Variants in SLC35F1 observed in about 807,000 individuals in gnomAD.
SLC35F1 encodes the protein solute carrier family 35 member F1, also known as chromosome 6 open reading frame 169.
In SLC35F1, 14 loss-of-function variants were observed where a neutral mutation model predicts 48.7. That is an observed-to-expected ratio of 0.29 (90% CI 0.19 to 0.45). The LOEUF (loss-of-function observed/expected upper bound fraction) is 0.45, where lower values mean the gene tolerates loss of function less well. Among genes scored for constraint, SLC35F1 ranks in the 20% least tolerant of loss-of-function variants. The probability of loss-of-function intolerance (pLI) is 1.00; values close to 1 mark genes in which losing one functional copy is unlikely to be tolerated. For synonymous variants in SLC35F1, 190 were observed against 202.2 expected (o/e 0.94, Z 0.51); for missense variants, 404 against 500.0 (o/e 0.81, Z 1.83).
In SLC35F1 at chr6:118,278,692, G is replaced by A. The variant is rs541825839; in HGVS notation, c.847+1146G>A. On this transcript the variant is annotated intron_variant, in intron 6 of 7. Coordinates refer to ENST00000360388, the MANE Select transcript of SLC35F1 (RefSeq NM_001029858.4). ...CAACAGGGCAAGGAGAGAGAGAAGA[G>A]GAGGGCAACAGGGAAAGGAAACCAG... Among the ~76,000 whole-genome samples, 4 of 152,350 alleles carry A rather than the reference G, an allele frequency of 2.6e-5. No individual in the cohort carries two copies. In the South Asian group the frequency reaches 8.3e-4, roughly 32 times the overall value.
chr6:118,247,675 C>T (rs1336733802), intron 3 of SLC35F1, among the ~76,000 whole-genome samples: 4 of 147,604 alleles, frequency 2.7e-5, no homozygotes, highest in African/African-American at 1.1e-4. Flanking sequence ...GAGTGAAACA[C>T]TTCTGTAGTC....
intron 3 of SLC35F1, among the ~76,000 whole-genome samples, chr6:118,238,100 T>C (rs1397995143): frequency 1.3e-5 from 2 of 152,108 alleles, no homozygotes; most frequent in Non-Finnish European, 2.9e-5. Context: ...ACACCTATGT[T>C]TCTCTCTCTT....
chr6:118,253,199 A>G (rs1406151999), intron 3 of SLC35F1, among the ~76,000 whole-genome samples: 1 of 152,000 alleles, frequency 6.6e-6, no homozygotes, highest in Admixed American at 6.6e-5. Context: ...AATATTTGAG[A>G]GATGAGAGTA....
At chr6:118,037,886 G>A (rs1367376503) in intron 1 of SLC35F1, among the ~76,000 whole-genome samples, 3 of 152,056 alleles carry the variant, frequency 2.0e-5, no homozygotes, top group Non-Finnish European at 4.4e-5. Context: ...GGGGGCAAGA[G>A]GAGGGAGACC....
chr6:118,191,191 C>T (rs544143239), intron 2 of SLC35F1, among the ~76,000 whole-genome samples: 3 of 152,180 alleles, frequency 2.0e-5, no homozygotes, highest in African/African-American at 4.8e-5. Flanking sequence ...GATTATGCGG[C>T]GACATATGTA....
At chr6:118,012,291 A>G (rs1371782120) in intron 1 of SLC35F1, among the ~76,000 whole-genome samples, 2 of 150,774 alleles carry the variant, frequency 1.3e-5, no homozygotes, top group Non-Finnish European at 3.0e-5. Flanking sequence ...ACTTGGAGCT[A>G]TTGTAGGAAA....
chr6:118,198,941 G>C (rs1197554796), intron 2 of SLC35F1, among the ~76,000 whole-genome samples: 2 of 152,194 alleles, frequency 1.3e-5, no homozygotes, highest in Non-Finnish European at 2.9e-5. Context: ...GCAACGTTAT[G>C]ACTCACAGAC....
chr6:118,107,204 G>T (rs1359283180), intron 1 of SLC35F1, among the ~76,000 whole-genome samples: 1 of 152,090 alleles, frequency 6.6e-6, no homozygotes, highest in East Asian at 1.9e-4. Context: ...AAAAAAACTG[G>T]ATCCTTTTTA....
intron 1 of SLC35F1, among the ~76,000 whole-genome samples, chr6:118,118,247 A>G (rs766984878): frequency 6.6e-6 from 1 of 152,194 alleles, no homozygotes; most frequent in African/African-American, 2.4e-5. Flanking sequence ...ATCAGTCTTT[A>G]TAACTTTAGC....
chr6:118,170,056 A>G (rs989625164), intron 2 of SLC35F1, among the ~76,000 whole-genome samples: 6 of 152,346 alleles, frequency 3.9e-5, no homozygotes, highest in African/African-American at 1.4e-4. Flanking sequence ...TCAGAGTGGG[A>G]AACTTTGATC....
At chr6:118,280,870 A>C (rs9489330) in intron 6 of SLC35F1, among the ~76,000 whole-genome samples, 7,171 of 129,136 alleles carry the variant, frequency 0.056, 209 homozygotes, top group African/African-American at 0.095. Flanking sequence ...AGTCTGTCCC[A>C]AAAAAAAAAA....
intron 2 of SLC35F1, among the ~76,000 whole-genome samples, chr6:118,198,573 A>G (rs1774832530): frequency 6.6e-6 from 1 of 152,232 alleles, no homozygotes; most frequent in Non-Finnish European, 1.5e-5. Context: ...TTGTAAGCAT[A>G]ATTTATTTTA....
chr6:118,301,670 G>A (rs1302156251), intron 7 of SLC35F1, among the ~76,000 whole-genome samples: 1 of 152,128 alleles, frequency 6.6e-6, no homozygotes, highest in African/African-American at 2.4e-5. Flanking sequence ...GGTAGCTATA[G>A]ATATAGATAT....
At chr6:118,183,486 A>G (rs1774611883) in intron 2 of SLC35F1, among the ~76,000 whole-genome samples, 1 of 151,826 alleles carries the variant, frequency 6.6e-6, no homozygotes, top group African/African-American at 2.4e-5. Flanking sequence ...AACTTAAAGT[A>G]TAATAATAAT....
chr6:118,165,715 G>C (rs969978236), intron 2 of SLC35F1, among the ~76,000 whole-genome samples: 4 of 152,178 alleles, frequency 2.6e-5, no homozygotes, highest in African/African-American at 9.7e-5. Flanking sequence ...AACTGCAGAA[G>C]GTGAGGAAAA....
chr6:118,176,659 A>G (rs1774492906), intron 2 of SLC35F1, among the ~76,000 whole-genome samples: 1 of 152,152 alleles, frequency 6.6e-6, no homozygotes, highest in Non-Finnish European at 1.5e-5. Flanking sequence ...TTTAAAAATT[A>G]TACAGTACAT....
At chr6:118,071,032 GTATATATATACACATAGTA>G (rs1250477062) in intron 1 of SLC35F1, among the ~76,000 whole-genome samples, 100 of 288 alleles carry the variant, frequency 0.35, 7 homozygotes, top group South Asian at 0.62. Flanking sequence ...TATTCTACGT[GTATATATATACACATAGTA>G]TATATATTCT....
intron 1 of SLC35F1, among the ~76,000 whole-genome samples, chr6:117,957,600 T>TATAG (rs1776443178): frequency 6.6e-6 from 1 of 152,212 alleles, no homozygotes; most frequent in Admixed American, 6.5e-5. Context: ...GCTGTTAAGA[T>TATAG]ATAGTCATGT....
At chr6:118,281,808 A>G (rs1436771662) in intron 6 of SLC35F1, among the ~76,000 whole-genome samples, 1 of 152,130 alleles carries the variant, frequency 6.6e-6, no homozygotes, top group Non-Finnish European at 1.5e-5. Flanking sequence ...CCTCTATTTA[A>G]CCCAGTATGG....
Sources: gnomAD v4.1 joint callset for allele counts (sites outside exome capture counted in the v4.1 genomes callset) on GRCh38, gnomAD v4.1.1 for gene constraint, MANE v1.5 for transcripts, NCBI Gene and HGNC (gene_info 2026-07-23, HGNC 2026-07-21) for gene names.